KIF9: variants seen among roughly 807,000 people sequenced by gnomAD.
The protein encoded by KIF9 is kinesin family member 9.
KIF9 carries 68 observed loss-of-function variants against 94.8 expected under a neutral mutation model. The observed-to-expected ratio is 0.72, with a 90% CI of 0.59 to 0.88. KIF9 has a LOEUF of 0.88. KIF9 is among the 40% of genes least tolerant of loss of function. KIF9 has a pLI of 0.00. For synonymous variants in KIF9, 343 were observed against 362.1 expected, an observed-to-expected ratio of 0.95 and a Z score of 0.60; for missense variants, 882 against 982.5, an observed-to-expected ratio of 0.90 and a Z score of 1.37.
chr3:47,260,561 GCT>G (rs1559452013), intron 9 of KIF9, among the ~76,000 whole-genome samples: 1 of 152,182 alleles, frequency 6.6e-6, no homozygotes, highest in Non-Finnish European at 1.5e-5. Context: ...CTGTGGCCAG[GCT>G]CTGTTCTAAG....
chr3:47,238,389 T>C (rs1003338615), intron 17 of KIF9: 3 of 152,132 alleles, frequency 2.0e-5, no homozygotes, highest in African/African-American at 7.2e-5. Flanking sequence ...GCTAATTTTT[T>C]ATGTTTTTTT....
At chr3:47,249,478 G>T (rs1487265027) in intron 10 of KIF9, among the ~76,000 whole-genome samples, 1 of 152,136 alleles carries the variant, frequency 6.6e-6, no homozygotes, top group Non-Finnish European at 1.5e-5. Context: ...TACAAACAAT[G>T]CTGCAAGAAC....
At chr3:47,246,898 C>A (rs1322557891) in intron 12 of KIF9, among the ~76,000 whole-genome samples, 4 of 152,064 alleles carry the variant, frequency 2.6e-5, no homozygotes, top group Non-Finnish European at 5.9e-5. Context: ...CAGGATGCAG[C>A]CTTCCCCCTG....
At chr3:47,272,575 C>G (rs1263432138) in intron 4 of KIF9, among the ~76,000 whole-genome samples, 1 of 151,946 alleles carries the variant, frequency 6.6e-6, no homozygotes, top group Non-Finnish European at 1.5e-5. Flanking sequence ...ATTTCAAAGA[C>G]TTAGTATGAG....
chr3:47,253,197 C>G (rs1174467056), intron 10 of KIF9, among the ~76,000 whole-genome samples: 1 of 152,022 alleles, frequency 6.6e-6, no homozygotes, highest in Non-Finnish European at 1.5e-5. Context: ...CCTCTATTGC[C>G]CAGGCTGGAG....
intron 5 of KIF9, among the ~76,000 whole-genome samples, chr3:47,267,519 A>AGC (rs1298517362): frequency 6.6e-6 from 1 of 152,244 alleles, no homozygotes; most frequent in Non-Finnish European, 1.5e-5. Flanking sequence ...AAAAATCAAG[A>AGC]GCCTTAAAAA....
intron 1 of KIF9, among the ~76,000 whole-genome samples, chr3:47,281,948 T>C (rs1702392925): frequency 6.6e-6 from 1 of 152,224 alleles, no homozygotes; most frequent in South Asian, 2.1e-4. Flanking sequence ...TAGCTACCCG[T>C]AGCGGCAGCA....
intron 11 of KIF9, 146 bp downstream of exon 11, chr3:47,247,872 C>A: frequency 1.4e-6 from 1 of 711,950 alleles, no homozygotes; most frequent in South Asian, 1.6e-5. Context: ...ACCCTTGCTG[C>A]TGCCCCTTTC....
At chr3:47,279,788 T>C (rs568145312) in intron 1 of KIF9, among the ~76,000 whole-genome samples, 1 of 151,852 alleles carries the variant, frequency 6.6e-6, no homozygotes, top group Non-Finnish European at 1.5e-5. Context: ...CGCTAATTTT[T>C]CTGTATTTTT....
rs773224450 is a variant in KIF9, at chr3:47,243,077, G to T, written c.1683C>A (p.Ser561=). ...TAATTGGGCGTAATTCCTCCTTCGG[G>T]GAGTCTGAGGGAAGGGGCTCAATGC... ...TSSIEPLPSD[S]PKEELRPIRP... is the part of the protein sequence containing the mutation. Residue 561 remains serine, a synonymous_variant, in exon 16 of 21, where the codon TCC becomes TCA. Coordinates refer to ENST00000684063, the MANE Select transcript of KIF9 (RefSeq NM_182902.4). 6.2e-7 allele frequency: 1 copy of T among 1,611,142 alleles called. No homozygotes were observed. The highest frequency in any genetic ancestry group is 8.5e-7 in the Non-Finnish European group (1 of 1,177,502).
intron 3 of KIF9, 117 bp from the exon 4 acceptor site, chr3:47,273,775 G>T: frequency 1.2e-6 from 1 of 838,608 alleles, no homozygotes; most frequent in Non-Finnish European, 2.0e-6. Context: ...GCCAGTGGGG[G>T]CAGCCAAGAA....
intron 2 of KIF9, among the ~76,000 whole-genome samples, chr3:47,276,101 T>C (rs899318751): frequency 1.3e-5 from 2 of 152,212 alleles, no homozygotes; most frequent in Admixed American, 6.5e-5. Context: ...TAGTAAGCCA[T>C]TGTAGTAGCA....
At chr3:47,247,542 G>A (rs534906499) in intron 11 of KIF9, 65 bp from the exon 12 acceptor site, 3 of 1,295,218 alleles carry the variant, frequency 2.3e-6, no homozygotes, top group East Asian at 4.7e-5. Context: ...GGAGTGGCAG[G>A]GGCCATTCTG....
chr3:47,240,289 C>T (rs1028558022), intron 17 of KIF9: 29 of 214,940 alleles, frequency 1.3e-4, no homozygotes, highest in African/African-American at 5.9e-4. Context: ...CAGACCAGCA[C>T]GGGTGTCAGG....
chr3:47,280,006 G>A (rs1262460678), intron 1 of KIF9, among the ~76,000 whole-genome samples: 4 of 152,138 alleles, frequency 2.6e-5, no homozygotes, highest in Non-Finnish European at 2.9e-5. Flanking sequence ...TCAGGGTGGA[G>A]TGCACTGGTG....
At chr3:47,244,635 G>A (rs112087329) in intron 15 of KIF9, 156 bp downstream of exon 15, 13 of 905,010 alleles carry the variant, frequency 1.4e-5, no homozygotes, top group African/African-American at 6.6e-5. Flanking sequence ...GCCCCAGCCC[G>A]GGCCCCACAG....
In KIF9 at chr3:47,233,475, C is replaced by T. The variant is rs1204571834; in HGVS notation, c.2322+2038G>A. ...CTTTGGGAGGCCAGGGCAGGCGGAT[C>T]ACTTGAGCCTAGGTGTTTGAGACCA... On this transcript the variant is annotated intron_variant, in intron 20 of 20. Transcript: ENST00000684063. 2.7e-5 allele frequency among the ~76,000 whole-genome samples: 4 copies of T among 149,812 alleles called. No homozygotes were observed. The East Asian group carries it at 7.8e-4, about 29-fold the overall frequency.
intron 5 of KIF9, among the ~76,000 whole-genome samples, chr3:47,268,372 G>A (rs924289743): frequency 1.3e-5 from 2 of 152,142 alleles, no homozygotes; most frequent in African/African-American, 4.8e-5. Context: ...CTATGAACAA[G>A]CCCCAAAGTG....
chr3:47,271,593 T>C (rs1165416304), intron 4 of KIF9, 132 bp from the exon 5 acceptor site: 1 of 677,068 alleles, frequency 1.5e-6, no homozygotes, highest in African/African-American at 1.8e-5. Flanking sequence ...AATTGGGTGA[T>C]ATTTAGTATC....
Sources: gnomAD v4.1 joint callset for allele counts (sites outside exome capture counted in the v4.1 genomes callset) on GRCh38, gnomAD v4.1.1 for gene constraint, MANE v1.5 for transcripts, NCBI Gene and HGNC (gene_info 2026-07-23, HGNC 2026-07-21) for gene names.